The following TRAPPC12 variants were observed in gnomAD, a reference collection of about 807,000 sequenced individuals.
The protein encoded by TRAPPC12 is TPR repeat protein 15.
In TRAPPC12, 61 loss-of-function variants were observed where a neutral mutation model predicts 69.2. The observed-to-expected ratio is 0.88, with a 90% CI of 0.72 to 1.09. The LOEUF (loss-of-function observed/expected upper bound fraction) is 1.09. TRAPPC12 is among the 50% of genes least tolerant of loss of function. TRAPPC12 has a pLI of 0.00. For missense variants in TRAPPC12, 1,101 were observed against 1,016.4 expected, an observed-to-expected ratio of 1.08 and a Z score of -1.13; for synonymous variants, 469 against 438.9, an observed-to-expected ratio of 1.07 and a Z score of -0.86.
At position 3,421,813 on chromosome 2, in the gene TRAPPC12, C is replaced by A. The variant is rs951328082; in HGVS notation, c.1165-68C>A. Reference sequence around the variant, plus strand: ...TGAGCAGCTGTGGCCAGTGGCTATGCGTTTGGGTCATGGATTCCACCATGC... The same window carrying A: ...TGAGCAGCTGTGGCCAGTGGCTATGAGTTTGGGTCATGGATTCCACCATGC... On this transcript the variant is annotated intron_variant, in intron 3 of 11. Transcript: ENST00000324266. 2.1e-6 allele frequency: 3 copies of A among 1,415,806 alleles called. No homozygotes were observed. The African/African-American group carries it at 4.2e-5, about 20-fold the overall frequency. The allele number at this position is 1,415,806 out of a possible 1,614,324, so 87.7% of individuals were successfully genotyped here. A position where few individuals can be genotyped will look rare whatever the true frequency, so the allele number is the denominator to read the frequency against.
At chr2:3,465,774 A>C in intron 9 of TRAPPC12, 79 bp downstream of exon 9, 1 of 949,794 alleles carries the variant, frequency 1.1e-6, no homozygotes, top group Admixed American at 1.8e-5. Flanking sequence ...TTTGCTTTTA[A>C]TCATTTTAAT....
intron 5 of TRAPPC12, among the ~76,000 whole-genome samples, chr2:3,438,367 C>G (rs1239684952): frequency 2.2e-4 from 25 of 113,732 alleles, no homozygotes; most frequent in African/African-American, 8.5e-4. Context: ...ATTAATACTT[C>G]CACCCCTGGA....
At chr2:3,421,767 C>A in intron 3 of TRAPPC12, 114 bp from the exon 4 acceptor site, 1 of 932,006 alleles carries the variant, frequency 1.1e-6, no homozygotes. Flanking sequence ...TAACGGCTGG[C>A]TGGCGCTGCT....
Position 3,405,712 on chromosome 2 carries a change from A to G in TRAPPC12, c.1164+3819A>G, listed in dbSNP as rs559789425. ...TTAACCATTTATGGGATTTACTCAGATTTAGAAGTGCTATTCTATTATTTT... is the reference window on the plus strand; with the variant it reads ...TTAACCATTTATGGGATTTACTCAGGTTTAGAAGTGCTATTCTATTATTTT... On this transcript the variant is annotated intron_variant, in intron 3 of 11. Coordinates refer to ENST00000324266, the MANE Select transcript of TRAPPC12 (RefSeq NM_016030.6). Among the ~76,000 whole-genome samples, 14 of 152,340 alleles carry G rather than the reference A, an allele frequency of 9.2e-5. No homozygotes were observed. The East Asian group carries it at 2.5e-3, about 27-fold the overall frequency.
chr2:3,457,932 C>T (rs1665255444), intron 7 of TRAPPC12: 12 of 1,400,064 alleles, frequency 8.6e-6, no homozygotes, highest in Non-Finnish European at 1.1e-5. Flanking sequence ...GACACGCCTT[C>T]ACCACAAAAG....
chr2:3,441,722 C>A (rs920882238), intron 5 of TRAPPC12, among the ~76,000 whole-genome samples: 1 of 139,538 alleles, frequency 7.2e-6, no homozygotes, highest in African/African-American at 2.5e-5. Context: ...TTATTATTTT[C>A]TTCTCTACTG....
At chr2:3,443,366 G>C (rs1664327142) in intron 5 of TRAPPC12, among the ~76,000 whole-genome samples, 1 of 152,250 alleles carries the variant, frequency 6.6e-6, no homozygotes, top group Non-Finnish European at 1.5e-5. Context: ...TCTCCCTTCA[G>C]GGTCTCCTTC....
At chr2:3,392,656 A>G (rs958376567) in intron 2 of TRAPPC12, among the ~76,000 whole-genome samples, 2 of 152,242 alleles carry the variant, frequency 1.3e-5, no homozygotes, top group African/African-American at 4.8e-5. Flanking sequence ...ATGAGATATC[A>G]TGGCTGTTAA....
chr2:3,437,044 A>C (rs1216511025), intron 5 of TRAPPC12, among the ~76,000 whole-genome samples: 1 of 11,234 alleles, frequency 8.9e-5, no homozygotes, highest in Non-Finnish European at 1.5e-4. Flanking sequence ...ATACCCCATC[A>C]CCCCTGAATT....
At chr2:3,420,767 CTG>C (rs1254296836) in intron 3 of TRAPPC12, among the ~76,000 whole-genome samples, 3 of 152,194 alleles carry the variant, frequency 2.0e-5, no homozygotes, top group Admixed American at 6.5e-5. Flanking sequence ...CCTGAGTTCT[CTG>C]TGTCCCGGCG....
intron 3 of TRAPPC12, among the ~76,000 whole-genome samples, chr2:3,409,830 C>A (rs1245294694): frequency 1.4e-5 from 2 of 147,646 alleles, no homozygotes; most frequent in Non-Finnish European, 3.0e-5. Flanking sequence ...ATGCATCTGA[C>A]TCTCACACCA....
At position 3,443,844 on chromosome 2, in the gene TRAPPC12, C is replaced by T; in HGVS notation, c.1483C>T (p.Gln495Ter). The T allele has an allele frequency of 1.9e-6, 3 of 1,614,158 alleles. No individual in the cohort carries two copies. The highest frequency in any genetic ancestry group is 2.5e-6 in the Non-Finnish European group (3 of 1,180,046). Residue 495 changes from glutamine to a stop codon, truncating the protein, a stop_gained, in exon 6 of 12, where the codon CAG (glutamine) becomes TAG (stop). Transcript: ENST00000324266. LOFTEE classifies it high-confidence loss of function. ...AELQQYLGNPQESLDRLHKVK... is the reference protein window; with the variant it reads ...AELQQYLGNP Reference sequence around the variant, plus strand: ...GCTTCAGCAGTACCTGGGGAACCCACAGGAGTCGCTGGATAGACTGCACAA... The same window carrying T: ...GCTTCAGCAGTACCTGGGGAACCCATAGGAGTCGCTGGATAGACTGCACAA...
chr2:3,459,986 C>A (rs921939372), intron 7 of TRAPPC12: 4 of 545,114 alleles, frequency 7.3e-6, no homozygotes, highest in African/African-American at 1.9e-5. Flanking sequence ...CCCGGTCGGA[C>A]CATTTGGCCT....
intron 1 of TRAPPC12, 130 bp from the exon 2 acceptor site, chr2:3,387,490 T>A (rs1194039553): frequency 3.8e-6 from 3 of 787,308 alleles, no homozygotes; most frequent in Non-Finnish European, 5.9e-6. Context: ...TTTACCATAA[T>A]CAAAAGCACA....
At chr2:3,381,821 A>G (rs986939061) in intron 1 of TRAPPC12, among the ~76,000 whole-genome samples, 4 of 152,168 alleles carry the variant, frequency 2.6e-5, no homozygotes, top group Non-Finnish European at 5.9e-5. Context: ...TCCCTCACTA[A>G]AGTGGCTGTT....
chr2:3,449,092 G>T (rs1664711899), intron 6 of TRAPPC12: 1 of 152,214 alleles, frequency 6.6e-6, no homozygotes, highest in African/African-American at 2.4e-5. Flanking sequence ...CATCAGTGAA[G>T]AAGAACATAT....
At chr2:3,475,261 A>G (rs10181773) in intron 9 of TRAPPC12, among the ~76,000 whole-genome samples, 137,985 of 151,302 alleles carry the variant, frequency 0.91, 62,751 homozygotes, top group Admixed American at 0.94. Flanking sequence ...TGGTGCTTAC[A>G]GCCACACCTG....
At chr2:3,436,498 AC>A (rs1475278491) in intron 5 of TRAPPC12, among the ~76,000 whole-genome samples, 5 of 151,964 alleles carry the variant, frequency 3.3e-5, no homozygotes, top group Admixed American at 3.3e-4. Context: ...GTTTTTAATA[AC>A]ATCTTGCATT....
intron 2 of TRAPPC12, chr2:3,389,082 G>A (rs185243914): frequency 1.0e-4 from 17 of 164,190 alleles, no homozygotes; most frequent in Admixed American, 8.3e-4. Flanking sequence ...AAAAATACGC[G>A]TGACCCAAAA....
Sources: allele counts gnomAD v4.1 joint callset (sites outside exome capture counted in the v4.1 genomes callset), GRCh38; gene constraint gnomAD v4.1.1; transcripts MANE v1.5; gene names NCBI Gene and HGNC (gene_info 2026-07-23, HGNC 2026-07-21).